Variants in NSL1 observed in about 807,000 individuals in gnomAD.
NSL1 encodes kinetochore-associated protein NSL1 homolog.
Under a neutral mutation model 25.4 loss-of-function variants are expected in NSL1, and 11 were observed. The observed-to-expected ratio is 0.43, with a 90% CI of 0.27 to 0.72. The LOEUF (loss-of-function observed/expected upper bound fraction) is 0.72. Ranked by LOEUF, NSL1 falls within the 30% of genes least tolerant of loss-of-function variation. NSL1 has a pLI of 0.19. For missense variants in NSL1, 330 were observed against 342.7 expected, an observed-to-expected ratio of 0.96 and a Z score of 0.29; for synonymous variants, 118 against 120.6, an observed-to-expected ratio of 0.98 and a Z score of 0.14.
Position 212,735,233 on chromosome 1 carries a change from A to C in NSL1, c.*3175T>G. ...TAACTTGTCCAATATCATTGAACTA[A>C]TAATGGTAGAACTGAAATCTGAACT... On this transcript the variant is annotated 3_prime_UTR_variant, in exon 6 of 6. Coordinates refer to ENST00000366977, the MANE Select transcript of NSL1 (RefSeq NM_015471.4). 1 of 823,660 alleles carries C rather than the reference A, an allele frequency of 1.2e-6. No individual in the cohort carries two copies. Among genetic ancestry groups the C allele is most frequent in the Non-Finnish European group, 1.5e-6 (1 of 682,696 alleles). The allele number at this position is 823,660 out of a possible 1,614,324, so 51.0% of individuals were successfully genotyped here. A position where few individuals can be genotyped will look rare whatever the true frequency, so the allele number is the denominator to read the frequency against.
Position 212,730,121 on chromosome 1 carries a change from G to A in NSL1, c.*8287C>T, listed in dbSNP as rs756733454. The A allele has an allele frequency of 1.3e-4, 103 of 804,058 alleles. No individual in the cohort carries two copies. Among genetic ancestry groups the A allele is most frequent in the Non-Finnish European group, 1.5e-4 (100 of 665,534 alleles). 49.8% of individuals were successfully genotyped at this position (804,058 alleles called of 1,614,324 possible). A position where few individuals can be genotyped will look rare whatever the true frequency, so the allele number is the denominator to read the frequency against. ...AAATATTAGCCCAGCATGGTAGCAC[G>A]CGCCTGTAATCCCAGCTACTCGGGA... On this transcript the variant is annotated 3_prime_UTR_variant, in exon 6 of 6. Coordinates refer to ENST00000366977, the MANE Select transcript of NSL1 (RefSeq NM_015471.4).
At chr1:212,782,226 T>G in intron 4 of NSL1, 146 bp downstream of exon 4, 9 of 704,896 alleles carry the variant, frequency 1.3e-5, no homozygotes, top group East Asian at 2.6e-5. Flanking sequence ...TAATTCTAGA[T>G]GAAATGCTAA....
At chr1:212,742,609 A>C (rs1029420815) in intron 4 of NSL1, among the ~76,000 whole-genome samples, 1 of 152,200 alleles carries the variant, frequency 6.6e-6, no homozygotes, top group South Asian at 2.1e-4. Context: ...GTCAATATAT[A>C]CATTAACTTA....
At chr1:212,786,008 CCTT>C (rs1011109245) in intron 2 of NSL1, among the ~76,000 whole-genome samples, 18 of 152,066 alleles carry the variant, frequency 1.2e-4, no homozygotes, top group African/African-American at 4.1e-4. Flanking sequence ...TTGAGGGCAC[CCTT>C]TTTTTCCTTT....
At position 212,779,827 on chromosome 1, in the gene NSL1, AGGTG is replaced by A. The variant is rs1348085676; in HGVS notation, c.499+2541_499+2544del. Among the ~76,000 whole-genome samples, 12 of 127,552 alleles carry A rather than the reference AGGTG, an allele frequency of 9.4e-5. No homozygotes were observed. In the South Asian group the frequency reaches 1.6e-3, roughly 17 times the overall value. 83.7% of individuals were successfully genotyped at this position (127,552 alleles called of 152,430 possible). On this transcript the variant is annotated intron_variant, in intron 4 of 5. Coordinates refer to ENST00000366977, the MANE Select transcript of NSL1 (RefSeq NM_015471.4). ...CGGCCAGCCGCCCCGTCCGGGAGGG[AGGTG>A]GGGGGGTCAGCCCCCCGCCCGACCA...
intron 4 of NSL1, among the ~76,000 whole-genome samples, chr1:212,771,014 TA>T (rs913773586): frequency 6.6e-5 from 10 of 151,866 alleles, no homozygotes; most frequent in African/African-American, 1.9e-4. Context: ...TCTGTCATGA[TA>T]AAAAAAACTC....
chr1:212,746,382 A>G (rs1658796707), intron 4 of NSL1, among the ~76,000 whole-genome samples: 1 of 152,204 alleles, frequency 6.6e-6, no homozygotes, highest in South Asian at 2.1e-4. Context: ...GTAATCCCCA[A>G]GGAAACCACT....
Position 212,791,746 on chromosome 1 carries a change from C to G in NSL1, c.18G>C (p.Glu6Asp), listed in dbSNP as rs370513621. Residue 6 changes from glutamate to aspartate, a missense_variant, in exon 1 of 6, where the codon GAG becomes GAC. By Grantham distance (45) the Glu-to-Asp change is conservative. Coordinates refer to ENST00000366977, the MANE Select transcript of NSL1 (RefSeq NM_015471.4). ...CCCATGGAGGGTCAAGGACCACCAA[C>G]TCAGGAGACCCCGCCATTTTTCGTC... is the stretch of plus-strand genomic sequence containing the variant. MAGSP[E>D]LVVLDPPWDK... 1 of 1,606,872 alleles carries G rather than the reference C, an allele frequency of 6.2e-7. No individual in the cohort carries two copies.
At chr1:212,746,082 C>T (rs1658779147) in intron 4 of NSL1, among the ~76,000 whole-genome samples, 1 of 152,214 alleles carries the variant, frequency 6.6e-6, no homozygotes, top group Non-Finnish European at 1.5e-5. Flanking sequence ...TGCTAGACAG[C>T]ACCTTGAAGC....
intron 3 of NSL1, among the ~76,000 whole-genome samples, chr1:212,782,745 T>G (rs933778207): frequency 2.0e-5 from 3 of 152,226 alleles, no homozygotes; most frequent in African/African-American, 7.2e-5. Context: ...TCTCCAATTA[T>G]GAAGGGACTG....
In NSL1 at chr1:212,730,215, A is replaced by C. The variant is rs1571853294; in HGVS notation, c.*8193T>G. ...CAGTGAGTTGAGATCGCTCCACTACACTCCAGCCTGGGTGACAGTCTCAAA... is the reference window on the plus strand; with the variant it reads ...CAGTGAGTTGAGATCGCTCCACTACCCTCCAGCCTGGGTGACAGTCTCAAA... On this transcript the variant is annotated 3_prime_UTR_variant, in exon 6 of 6. Transcript: ENST00000366977. 1.1e-6 allele frequency: 1 copy of C among 948,200 alleles called. No homozygotes were observed. Among genetic ancestry groups the C allele is most frequent in the Non-Finnish European group, 1.2e-6 (1 of 817,988 alleles). The allele number at this position is 948,200 out of a possible 1,614,324, so 58.7% of individuals were successfully genotyped here. A position where few individuals can be genotyped will look rare whatever the true frequency, so the allele number is the denominator to read the frequency against.
intron 2 of NSL1, 110 bp downstream of exon 2, chr1:212,787,449 C>T (rs1165206319): frequency 1.5e-6 from 1 of 673,032 alleles, no homozygotes; most frequent in African/African-American, 1.9e-5. Context: ...TAGTAAACAA[C>T]TTCTTGAAAA....
chr1:212,784,818 G>A (rs1328691591), intron 2 of NSL1, among the ~76,000 whole-genome samples: 12 of 152,286 alleles, frequency 7.9e-5, no homozygotes, highest in Admixed American at 5.2e-4. Flanking sequence ...AGAGGTATGA[G>A]CAAAATGCCA....
At chr1:212,775,746 C>T (rs1408228542) in intron 4 of NSL1, among the ~76,000 whole-genome samples, 1 of 151,730 alleles carries the variant, frequency 6.6e-6, no homozygotes, top group Non-Finnish European at 1.5e-5. Context: ...ATTCAAGAAA[C>T]AACTTACAAA....
Position 212,782,564 on chromosome 1 carries a change from G to A in NSL1, c.445-138C>T, listed in dbSNP as rs1000256246. 3.5e-5 allele frequency: 23 copies of A among 662,770 alleles called. No homozygotes were observed. The African/African-American group carries it at 4.0e-4, about 12-fold the overall frequency. The allele number at this position is 662,770 out of a possible 1,614,324, so 41.1% of individuals were successfully genotyped here. ...AAAAATTAAATCCTACTGTCTGTAG[G>A]GAAGAGGAGGTGAGAAGGTAAAACC... On this transcript the variant is annotated intron_variant, in intron 3 of 5. Coordinates refer to ENST00000366977, the MANE Select transcript of NSL1 (RefSeq NM_015471.4).
chr1:212,743,174 CT>C (rs570988293), intron 4 of NSL1, among the ~76,000 whole-genome samples: 1 of 149,992 alleles, frequency 6.7e-6, no homozygotes. Flanking sequence ...GTTTTTTTTT[CT>C]TTTTTTTTGA....
intron 4 of NSL1, among the ~76,000 whole-genome samples, chr1:212,747,169 T>C (rs1027066371): frequency 9.2e-5 from 14 of 151,566 alleles, no homozygotes; most frequent in Admixed American, 9.2e-4. Flanking sequence ...ATCTCTGCCT[T>C]GTGCAGGGTA....
Position 212,732,270 on chromosome 1 carries a change from C to T in NSL1, c.*6138G>A. 1.0e-6 allele frequency: 1 copy of T among 962,980 alleles called. No homozygotes were observed. The highest frequency in any genetic ancestry group is 1.2e-6 in the Non-Finnish European group (1 of 810,650). The allele number at this position is 962,980 out of a possible 1,614,324, so 59.7% of individuals were successfully genotyped here. Reference sequence around the variant, plus strand: ...GTTAACATTATCACTCGTGTTGTCACTTTTATTTTTTTCTGAAAATATCTC... The same window carrying T: ...GTTAACATTATCACTCGTGTTGTCATTTTTATTTTTTTCTGAAAATATCTC... On this transcript the variant is annotated 3_prime_UTR_variant, in exon 6 of 6. Transcript: ENST00000366977.
At position 212,730,691 on chromosome 1, in the gene NSL1, C is replaced by T; in HGVS notation, c.*7717G>A. The T allele has an allele frequency of 1.0e-6, 1 of 985,372 alleles. No homozygotes were observed. Among genetic ancestry groups the T allele is most frequent in the Non-Finnish European group, 1.2e-6 (1 of 829,922 alleles). 61.0% of individuals were successfully genotyped at this position (985,372 alleles called of 1,614,324 possible). ...TGATGTCACTGAGGGATGTCAATGCCATCCTCTGCTCTTATGTCCTGCAGG... is the reference window on the plus strand; with the variant it reads ...TGATGTCACTGAGGGATGTCAATGCTATCCTCTGCTCTTATGTCCTGCAGG... On this transcript the variant is annotated 3_prime_UTR_variant, in exon 6 of 6. Coordinates refer to ENST00000366977, the MANE Select transcript of NSL1 (RefSeq NM_015471.4).
Sources: gnomAD v4.1 joint callset for allele counts (sites outside exome capture counted in the v4.1 genomes callset) on GRCh38, gnomAD v4.1.1 for gene constraint, MANE v1.5 for transcripts, NCBI Gene and HGNC (gene_info 2026-07-23, HGNC 2026-07-21) for gene names.